The following BACH1 variants were observed in gnomAD, a reference collection of about 807,000 sequenced individuals.
BACH1 encodes transcription regulator protein BACH1.
A neutral mutation model predicts 52.9 loss-of-function variants in BACH1; 35 were observed. That is an observed-to-expected ratio of 0.66 (90% CI 0.51 to 0.88). The LOEUF is 0.88. BACH1 is among the 40% of genes least tolerant of loss of function. The probability of loss-of-function intolerance (pLI) is 0.00; values close to 1 mark genes in which losing one functional copy is unlikely to be tolerated. For synonymous variants in BACH1, 321 were observed against 319.6 expected, an observed-to-expected ratio of 1.00 and a Z score of -0.05; for missense variants, 808 against 872.6, an observed-to-expected ratio of 0.93 and a Z score of 0.93.
intron 2 of BACH1, 97 bp from the exon 3 acceptor site, chr21:29,325,962 A>G: frequency 8.5e-7 from 1 of 1,180,004 alleles, no homozygotes. Context: ...TATCACAAAT[A>G]AGTTACATAT....
intron 2 of BACH1, among the ~76,000 whole-genome samples, chr21:29,322,527 C>T (rs1035318771): frequency 8.5e-5 from 13 of 152,154 alleles, no homozygotes; most frequent in Non-Finnish European, 1.3e-4. Context: ...TGTGCTGACT[C>T]CTAGCAGCAT....
At position 29,317,494 on chromosome 21, in the gene BACH1, G is replaced by C. The variant is rs938625395; in HGVS notation, c.-60-3727G>C. On this transcript the variant is annotated intron_variant, in intron 1 of 4. Transcript: ENST00000286800. ...AGTGTATGTGGAGGCCCTGAAATCA[G>C]TAGGAGCTTGGGGCCTGTGGAGCAG... Among the ~76,000 whole-genome samples the C allele has an allele frequency of 4.6e-5, 7 of 152,330 alleles. No individual in the cohort carries two copies. The South Asian group carries it at 1.5e-3, about 32-fold the overall frequency.
chr21:29,306,782 T>C (rs1332892089), intron 1 of BACH1, among the ~76,000 whole-genome samples: 2 of 152,232 alleles, frequency 1.3e-5, no homozygotes, highest in Non-Finnish European at 2.9e-5. Context: ...GTGACTTTTT[T>C]TCCTCTTATA....
At chr21:29,336,602 A>G (rs974798189) in intron 4 of BACH1, among the ~76,000 whole-genome samples, 4 of 151,934 alleles carry the variant, frequency 2.6e-5, no homozygotes, top group Non-Finnish European at 5.9e-5. Context: ...CTTTCATTCT[A>G]TTTACATTAT....
Position 29,342,900 on chromosome 21 carries a change from A to T in BACH1, c.*67A>T. 1.4e-6 allele frequency: 2 copies of T among 1,440,310 alleles called. No individual in the cohort carries two copies. The highest frequency in any genetic ancestry group is 1.4e-5 in the African/African-American group (1 of 70,410). The allele number at this position is 1,440,310 out of a possible 1,614,324, so 89.2% of individuals were successfully genotyped here. A position where few individuals can be genotyped will look rare whatever the true frequency, so the allele number is the denominator to read the frequency against. On this transcript the variant is annotated 3_prime_UTR_variant, in exon 5 of 5. Coordinates refer to ENST00000286800, the MANE Select transcript of BACH1 (RefSeq NM_001186.4). ...AGTTTTGGCAGCGTCTTGAAAGCCT[A>T]ATATGACCATCTGTTGCTCAACAAT...
intron 4 of BACH1, among the ~76,000 whole-genome samples, chr21:29,335,760 A>G (rs193120034): frequency 2.1e-4 from 32 of 152,288 alleles, no homozygotes; most frequent in Non-Finnish European, 3.1e-4. Flanking sequence ...ATCTCCGTCT[A>G]TCCATCTTGG....
At chr21:29,354,034 G>A (rs1388128053) in intron 2 of BACH1, among the ~76,000 whole-genome samples, 2 of 152,176 alleles carry the variant, frequency 1.3e-5, no homozygotes, top group Non-Finnish European at 2.9e-5. Flanking sequence ...TACAGAAGCT[G>A]AGGGATTGCT....
rs118063897 is a variant in BACH1 at position 29,328,739 on chromosome 21, A to C, written c.1570-748A>C. 3.3e-3 allele frequency among the ~76,000 whole-genome samples: 494 copies of C among 151,446 alleles called. 2 individuals are homozygous for C. In the East Asian group the frequency reaches 0.049, roughly 15 times the overall value. On this transcript the variant is annotated intron_variant, in intron 3 of 4. Coordinates refer to ENST00000286800, the MANE Select transcript of BACH1 (RefSeq NM_001186.4). Reference sequence around the variant, plus strand: ...CCTAGCCCCTGGCAACCACCATTCTACTCTCTGTTTCTGTGAGTTTGACTG... The same window carrying C: ...CCTAGCCCCTGGCAACCACCATTCTCCTCTCTGTTTCTGTGAGTTTGACTG...
intron 4 of BACH1, among the ~76,000 whole-genome samples, chr21:29,335,411 T>G (rs2123464438): frequency 6.6e-6 from 1 of 152,340 alleles, no homozygotes; most frequent in Non-Finnish European, 1.5e-5. Flanking sequence ...TATTTGCTGG[T>G]GACCCTACAT....
At chr21:29,349,684 T>C (rs2089191289), downstream of BACH1, among the ~76,000 whole-genome samples, 1 of 152,138 alleles carries the variant, frequency 6.6e-6, no homozygotes, top group African/African-American at 2.4e-5. Context: ...ATTTTCCCCA[T>C]TGACTTTCCT....
At position 29,357,955 on chromosome 21, in the gene BACH1, C is replaced by T. The variant is rs117057800; in HGVS notation, c.472+28262C>T. Among the ~76,000 whole-genome samples, 146 of 152,264 alleles carry T rather than the reference C, an allele frequency of 9.6e-4. 4 individuals carry two copies. In the East Asian group the frequency reaches 0.025, roughly 26 times the overall value. ...TGGATCTAGTGGAGTCAGCGTGATC[C>T]GCTTCTCCCACTCACCTAGTCCCCA... On this transcript the variant is annotated intron_variant, in intron 2 of 4. Coordinates refer to the BACH1 transcript ENST00000422809.
At position 29,329,550 on chromosome 21, in the gene BACH1, T is replaced by C; in HGVS notation, c.1633T>C (p.Leu545=). The C allele has an allele frequency of 1.9e-6, 3 of 1,602,972 alleles. No homozygotes were observed. The highest frequency in any genetic ancestry group is 2.6e-6 in the Non-Finnish European group (3 of 1,176,466). The change falls in exon 4 of 5, where the codon TTG becomes CTG. Residue 545 remains leucine, a synonymous_variant. Coordinates refer to ENST00000286800, the MANE Select transcript of BACH1 (RefSeq NM_001186.4). ...GTCTCGAAATGATTTTCAGTCCTTG[T>C]TGAAAATGCACAAGCTTACTCCAGA... is the stretch of plus-strand genomic sequence containing the variant. ...SLSRNDFQSL[L]KMHKLTPEQL...
chr21:29,324,128 T>C (rs1226996032), intron 2 of BACH1, among the ~76,000 whole-genome samples: 1 of 151,104 alleles, frequency 6.6e-6, no homozygotes, highest in Non-Finnish European at 1.5e-5. Context: ...GGCGGGCACC[T>C]GTAATCCCAG....
chr21:29,306,542 C>T (rs969262677), intron 1 of BACH1, among the ~76,000 whole-genome samples: 6 of 152,052 alleles, frequency 3.9e-5, no homozygotes, highest in Non-Finnish European at 8.8e-5. Flanking sequence ...ATAAATGGAT[C>T]GTGATTCATC....
At chr21:29,329,170 TG>T (rs1438054470) in intron 3 of BACH1, among the ~76,000 whole-genome samples, 1 of 152,130 alleles carries the variant, frequency 6.6e-6, no homozygotes, top group Non-Finnish European at 1.5e-5. Context: ...TAGCCAGGCA[TG>T]GTGGCATGTG....
At chr21:29,342,251 T>C in intron 4 of BACH1, 148 bp from the exon 5 acceptor site, 1 of 801,562 alleles carries the variant, frequency 1.2e-6, no homozygotes, top group South Asian at 2.0e-5. Context: ...GGGCCTTTAG[T>C]ATTTAATGTA....
chr21:29,352,197 G>A (rs1440485739), intron 2 of BACH1, among the ~76,000 whole-genome samples: 1 of 151,936 alleles, frequency 6.6e-6, no homozygotes, highest in Admixed American at 6.6e-5. Flanking sequence ...TAGGATTATA[G>A]GTGTGCACCA....
chr21:29,313,675 A>G (rs947104293), intron 1 of BACH1, among the ~76,000 whole-genome samples: 1 of 152,198 alleles, frequency 6.6e-6, no homozygotes, highest in Non-Finnish European at 1.5e-5. Flanking sequence ...AAACATTAAG[A>G]AGTAATGTTT....
intron 1 of BACH1, among the ~76,000 whole-genome samples, chr21:29,305,747 G>A (rs951895275): frequency 1.3e-5 from 2 of 152,182 alleles, no homozygotes; most frequent in Non-Finnish European, 2.9e-5. Context: ...CAACTCACAT[G>A]AACGCATACT....
Sources: gnomAD v4.1 joint callset for allele counts (sites outside exome capture counted in the v4.1 genomes callset) on GRCh38, gnomAD v4.1.1 for gene constraint, MANE v1.5 for transcripts, NCBI Gene and HGNC (gene_info 2026-07-23, HGNC 2026-07-21) for gene names.